Variants in FAM117B observed in about 807,000 individuals in gnomAD.
The protein encoded by FAM117B is family with sequence similarity 117 member B.
FAM117B carries 22 observed loss-of-function variants against 52.8 expected under a neutral mutation model. The observed-to-expected ratio is 0.42, with a 90% confidence interval of 0.30 to 0.59. The LOEUF is 0.59. FAM117B is among the 20% of genes least tolerant of loss of function. The probability of loss-of-function intolerance (pLI) is 0.22; values close to 1 mark genes in which losing one functional copy is unlikely to be tolerated. For missense variants in FAM117B, 678 were observed against 802.6 expected (o/e 0.84, Z 1.88); for synonymous variants, 309 against 324.1 (o/e 0.95, Z 0.50).
chr2:202,719,661 G>A (rs982837970), intron 2 of FAM117B, among the ~76,000 whole-genome samples: 1 of 152,080 alleles, frequency 6.6e-6, no homozygotes, highest in African/African-American at 2.4e-5. Flanking sequence ...ATATAATACT[G>A]TTATTTAATA....
At chr2:202,673,051 T>TA (rs1479819207) in intron 1 of FAM117B, among the ~76,000 whole-genome samples, 1 of 152,088 alleles carries the variant, frequency 6.6e-6, no homozygotes, top group Admixed American at 6.5e-5. Context: ...TCATTTCTTT[T>TA]AAAAAACAAA....
intron 1 of FAM117B, among the ~76,000 whole-genome samples, chr2:202,657,712 G>A (rs1276355032): frequency 3.3e-5 from 5 of 151,984 alleles, no homozygotes; most frequent in South Asian, 2.1e-4. Context: ...TCTCGACCTC[G>A]TAGGCAAGTG....
At chr2:202,659,354 G>C (rs760095980) in intron 1 of FAM117B, among the ~76,000 whole-genome samples, 2 of 151,940 alleles carry the variant, frequency 1.3e-5, no homozygotes, top group Non-Finnish European at 2.9e-5. Context: ...CTCTTGCCCA[G>C]GCTGGAATGC....
Position 202,646,024 on chromosome 2 carries a change from GT to G in FAM117B, c.601+10242del, listed in dbSNP as rs1282979020. ...TTCTTTGTCCTGTTAATGCCTAAAA[GT>G]TTTTTGTTTTTTTTTTTTTGAGATG... On this transcript the variant is annotated intron_variant, in intron 1 of 7. Coordinates refer to ENST00000392238, the MANE Select transcript of FAM117B (RefSeq NM_173511.4). Among the ~76,000 whole-genome samples, 4 of 147,842 alleles carry G rather than the reference GT, an allele frequency of 2.7e-5. No individual in the cohort carries two copies. In the East Asian group the frequency reaches 6.2e-4, roughly 23 times the overall value.
chr2:202,765,981 TG>T lies in FAM117B; in HGVS notation c.*218del. 1.8e-6 allele frequency: 1 copy of T among 561,346 alleles called. No individual in the cohort carries two copies. Among genetic ancestry groups the T allele is most frequent in the East Asian group, 3.0e-5 (1 of 33,512 alleles). 34.8% of individuals were successfully genotyped at this position (561,346 alleles called of 1,614,324 possible). ...CTTAGCCTGCTTTTTATCAAAGCAC[TG>T]ATTGAAACAAGAAAGGTCTCATTCT... On this transcript the variant is annotated 3_prime_UTR_variant, in exon 8 of 8. Transcript: ENST00000392238.
At chr2:202,654,191 A>AT (rs967043534) in intron 1 of FAM117B, among the ~76,000 whole-genome samples, 10 of 151,444 alleles carry the variant, frequency 6.6e-5, no homozygotes, top group Admixed American at 1.3e-4. Flanking sequence ...TATTGGCCAA[A>AT]TTTTTTTATT....
In FAM117B at chr2:202,722,246, G is replaced by A. The variant is rs910971789; in HGVS notation, c.754-2671G>A. On this transcript the variant is annotated intron_variant, in intron 2 of 7. Coordinates refer to ENST00000392238, the MANE Select transcript of FAM117B (RefSeq NM_173511.4). Reference sequence around the variant, plus strand: ...AGGCTGGTCTCAAACTTCTGACTTCGTGATCCACCCGCCTCGGCCTCCTGG... The same window carrying A: ...AGGCTGGTCTCAAACTTCTGACTTCATGATCCACCCGCCTCGGCCTCCTGG... Among the ~76,000 whole-genome samples the A allele has an allele frequency of 2.0e-5, 3 of 151,776 alleles. No homozygotes were observed. In the East Asian group the frequency reaches 5.8e-4, roughly 29 times the overall value.
At position 202,721,313 on chromosome 2, in the gene FAM117B, A is replaced by G. The variant is rs115154718; in HGVS notation, c.754-3604A>G. 8.5e-3 allele frequency among the ~76,000 whole-genome samples: 1,299 copies of G among 152,328 alleles called. 24 individuals are homozygous for G. The highest frequency in any genetic ancestry group is 0.03 in the African/African-American group (1,227 of 41,582). On this transcript the variant is annotated intron_variant, in intron 2 of 7. Coordinates refer to ENST00000392238, the MANE Select transcript of FAM117B (RefSeq NM_173511.4). ...AGTTTTCATATAAATAGTAATATAA[A>G]ATGTATGAAAGAGGGGTTATCATTT...
intron 4 of FAM117B, among the ~76,000 whole-genome samples, chr2:202,745,458 T>A (rs1284401569): frequency 6.6e-6 from 1 of 151,990 alleles, no homozygotes; most frequent in African/African-American, 2.4e-5. Context: ...TGAGCAGACA[T>A]AAATCAGAAA....
chr2:202,746,760 C>T (rs1259866484), intron 4 of FAM117B, among the ~76,000 whole-genome samples: 4 of 151,904 alleles, frequency 2.6e-5, no homozygotes, highest in Admixed American at 1.3e-4. Flanking sequence ...TAAAAATTGT[C>T]CCAACAAAGA....
chr2:202,669,696 A>G (rs12992023), intron 1 of FAM117B, among the ~76,000 whole-genome samples: 1 of 152,238 alleles, frequency 6.6e-6, no homozygotes, highest in Non-Finnish European at 1.5e-5. Flanking sequence ...TCCTTAAATC[A>G]TCTTTCAGAA....
chr2:202,708,019 C>G (rs1228085733), intron 2 of FAM117B, among the ~76,000 whole-genome samples: 1 of 152,144 alleles, frequency 6.6e-6, no homozygotes, highest in African/African-American at 2.4e-5. Flanking sequence ...ATCCACTCGC[C>G]TTGGCCTCCC....
At chr2:202,668,352 C>T in intron 1 of FAM117B, among the ~76,000 whole-genome samples, 1 of 147,378 alleles carries the variant, frequency 6.8e-6, no homozygotes, top group Middle Eastern at 3.3e-3. Flanking sequence ...TGGCTTGAGC[C>T]CTGGAGTTAG....
intron 1 of FAM117B, among the ~76,000 whole-genome samples, chr2:202,672,210 C>T (rs2105766147): frequency 6.6e-6 from 1 of 152,260 alleles, no homozygotes; most frequent in Non-Finnish European, 1.5e-5. Flanking sequence ...TCACCACCTG[C>T]CTCCCCCTCC....
At chr2:202,708,058 C>T (rs930726812) in intron 2 of FAM117B, among the ~76,000 whole-genome samples, 2 of 152,158 alleles carry the variant, frequency 1.3e-5, no homozygotes, top group African/African-American at 2.4e-5. Context: ...GCATAAGCCA[C>T]CACGCCCAGC....
In FAM117B at chr2:202,765,684, G is replaced by A. The variant is rs754451467; in HGVS notation, c.1690G>A (p.Val564Ile). Residue 564 changes from valine (V) to isoleucine (I), a missense_variant, in exon 8 of 8, where the codon GTC becomes ATC. This residue lies in a region of FAM117B where 68 missense variants were observed against 80.6 expected (regional missense o/e 0.84). Transcript: ENST00000392238. ...SLSTNTEQDR[V>I]SRGTSTVMPS... is the part of the protein sequence containing the mutation. ...GTCTACAAACACAGAGCAAGACCGA[G>A]TCTCTCGAGGAACAAGTACAGTCAT... The A allele has an allele frequency of 6.2e-7, 1 of 1,614,112 alleles. No individual in the cohort carries two copies. Among genetic ancestry groups the A allele is most frequent in the Non-Finnish European group, 8.5e-7 (1 of 1,180,036 alleles).
rs1428915421 is a variant in FAM117B at position 202,757,242 on chromosome 2, T to C, written c.1134T>C (p.Ala378=). ...IPQDIPDGHR[A]PPPLVQRSSS... ...AAGATATTCCAGATGGCCATCGTGC[T>C]CCACCCCCCCTTGTACAGAGAAGTA... Residue 378 remains alanine, a synonymous_variant, in exon 6 of 8, where the codon GCT becomes GCC. Coordinates refer to ENST00000392238, the MANE Select transcript of FAM117B (RefSeq NM_173511.4). 2 of 1,614,108 alleles carry C rather than the reference T, an allele frequency of 1.2e-6. No homozygotes were observed. The highest frequency in any genetic ancestry group is 8.5e-7 in the Non-Finnish European group (1 of 1,180,010).
chr2:202,759,911 G>C (rs1317191756), intron 7 of FAM117B, among the ~76,000 whole-genome samples: 2 of 151,234 alleles, frequency 1.3e-5, no homozygotes, highest in Non-Finnish European at 3.0e-5. Flanking sequence ...GTGTTGTCCA[G>C]GCTGGTCCCA....
At chr2:202,676,375 GTTTT>G (rs71030983) in intron 1 of FAM117B, among the ~76,000 whole-genome samples, 3 of 130,936 alleles carry the variant, frequency 2.3e-5, no homozygotes, top group African/African-American at 8.2e-5. Context: ...AATATTCCTT[GTTTT>G]TTTTTTTTTT....
Sources: allele counts gnomAD v4.1 joint callset (sites outside exome capture counted in the v4.1 genomes callset), GRCh38; gene constraint gnomAD v4.1.1; regional missense constraint gnomAD v4.1.1; transcripts MANE v1.5; gene names NCBI Gene and HGNC (gene_info 2026-07-23, HGNC 2026-07-21).